The following CSMD3 variants were observed in gnomAD, a reference collection of about 807,000 sequenced individuals.
CSMD3 encodes CUB and Sushi multiple domains 3.
Under a neutral mutation model 435.2 loss-of-function variants are expected in CSMD3, and 177 were observed. The observed-to-expected ratio is 0.41, with a 90% CI of 0.36 to 0.46. The LOEUF is 0.46. Ranked by LOEUF, CSMD3 falls within the 20% of genes least tolerant of loss-of-function variation. The pLI is 0.34. For synonymous variants in CSMD3, 1,656 were observed against 1,520.5 expected (o/e 1.09, Z -2.07); for missense variants, 4,265 against 4,504.6 (o/e 0.95, Z 1.52).
chr8:112,965,282 G>A (rs1314491067), intron 7 of CSMD3, among the ~76,000 whole-genome samples: 2 of 151,886 alleles, frequency 1.3e-5, no homozygotes, highest in Non-Finnish European at 2.9e-5. Context: ...GGGGAAATCA[G>A]CTACACACAT....
chr8:112,862,553 C>A (rs192372407), intron 10 of CSMD3, among the ~76,000 whole-genome samples: 1 of 152,034 alleles, frequency 6.6e-6, no homozygotes, highest in East Asian at 1.9e-4. Context: ...AACAGAGTTG[C>A]AGCAGTTCAC....
At chr8:112,319,071 T>C (rs1475722264) in intron 46 of CSMD3, 121 bp from the exon 47 acceptor site, 5 of 708,002 alleles carry the variant, frequency 7.1e-6, no homozygotes, top group African/African-American at 7.0e-5. Context: ...ATAAAAATGT[T>C]ATTAGGTATA....
In CSMD3 at chr8:113,212,055, C is replaced by T. The variant is rs192295664; in HGVS notation, c.515-38139G>A. Among the ~76,000 whole-genome samples, 60 of 152,128 alleles carry T rather than the reference C, an allele frequency of 3.9e-4. 1 individual carries two copies. Among genetic ancestry groups the T allele is most frequent in the Non-Finnish European group, 7.2e-4 (49 of 67,988 alleles). ...AAAATTGAAGTATTACTTCAGAAAG[C>T]TAGGCATTTATACCTTTGTATATTA... On this transcript the variant is annotated intron_variant, in intron 3 of 70. Transcript: ENST00000297405.
At position 113,371,501 on chromosome 8, in the gene CSMD3, C is replaced by G. The variant is rs561685817; in HGVS notation, c.179-56708G>C. 2.0e-5 allele frequency among the ~76,000 whole-genome samples: 3 copies of G among 152,232 alleles called. No homozygotes were observed. In the East Asian group the frequency reaches 5.8e-4, roughly 29 times the overall value. ...TATACATTTTTGCTTGTTCTCTCAACTTTATATTTTATCCAAATTAAGTTT... is the reference window on the plus strand; with the variant it reads ...TATACATTTTTGCTTGTTCTCTCAAGTTTATATTTTATCCAAATTAAGTTT... On this transcript the variant is annotated intron_variant, in intron 1 of 70. Transcript: ENST00000297405.
Position 112,336,637 on chromosome 8 carries a change from A to G in CSMD3, c.7019+15T>C, listed in dbSNP as rs1253367887. On this transcript the variant is annotated intron_variant, in intron 44 of 70. Transcript: ENST00000297405. ...TATATAATTGAATAAATCAATAACA[A>G]TAGTCCTGACTTACCATACAGTAAT... The G allele has an allele frequency of 1.9e-6, 3 of 1,568,824 alleles. No homozygotes were observed. Among genetic ancestry groups the G allele is most frequent in the Non-Finnish European group, 2.6e-6 (3 of 1,139,112 alleles).
intron 17 of CSMD3, among the ~76,000 whole-genome samples, chr8:112,659,470 T>C (rs745885176): frequency 2.6e-5 from 4 of 152,196 alleles, no homozygotes; most frequent in African/African-American, 4.8e-5. Flanking sequence ...ACATTCTTGA[T>C]GTAATCCAAA....
chr8:112,365,476 T>A (rs867048516), intron 38 of CSMD3, among the ~76,000 whole-genome samples: 5,389 of 148,302 alleles, frequency 0.036, 348 homozygotes, highest in African/African-American at 0.13. Context: ...TCCTTTTTTT[T>A]TTTTTTTTTT....
At chr8:112,761,812 A>C (rs1010312532) in intron 13 of CSMD3, among the ~76,000 whole-genome samples, 1 of 151,970 alleles carries the variant, frequency 6.6e-6, no homozygotes, top group African/African-American at 2.4e-5. Flanking sequence ...GTGAGTATAT[A>C]TGTGTATGTG....
chr8:112,973,662 C>T (rs2084742668), intron 7 of CSMD3, among the ~76,000 whole-genome samples: 1 of 151,274 alleles, frequency 6.6e-6, no homozygotes, highest in South Asian at 2.1e-4. Context: ...TAACTAAGAG[C>T]ATAGCTATAT....
At chr8:112,856,665 T>C (rs996198751) in intron 11 of CSMD3, among the ~76,000 whole-genome samples, 1 of 152,024 alleles carries the variant, frequency 6.6e-6, no homozygotes, top group African/African-American at 2.4e-5. Context: ...ACTTGTTTAA[T>C]TAATTTCATC....
intron 4 of CSMD3, among the ~76,000 whole-genome samples, chr8:113,169,907 C>G (rs1248090817): frequency 6.6e-6 from 1 of 152,154 alleles, no homozygotes; most frequent in African/African-American, 2.4e-5. Context: ...AGCCCAGCAG[C>G]AGGCAGTTAG....
At chr8:113,084,229 T>C (rs2089671201) in intron 5 of CSMD3, among the ~76,000 whole-genome samples, 3 of 152,064 alleles carry the variant, frequency 2.0e-5, no homozygotes, top group African/African-American at 7.2e-5. Context: ...CAAATGCTTT[T>C]AAAACTGATA....
intron 4 of CSMD3, among the ~76,000 whole-genome samples, chr8:113,132,082 T>C (rs943167301): frequency 6.6e-6 from 1 of 152,146 alleles, no homozygotes; most frequent in African/African-American, 2.4e-5. Context: ...TTTTTCCTTT[T>C]TGTAGCAGAG....
intron 13 of CSMD3, among the ~76,000 whole-genome samples, chr8:112,754,706 A>AG (rs1291680154): frequency 1.3e-5 from 2 of 152,150 alleles, no homozygotes; most frequent in African/African-American, 4.8e-5. Context: ...GGAAATCTCC[A>AG]GGGCAAAGTG....
intron 3 of CSMD3, among the ~76,000 whole-genome samples, chr8:113,239,458 T>C (rs539737586): frequency 6.6e-6 from 1 of 152,040 alleles, no homozygotes; most frequent in East Asian, 1.9e-4. Flanking sequence ...TAATCCAGGG[T>C]GAGAATTATA....
At chr8:112,354,820 TC>T (rs756070083) in intron 38 of CSMD3, among the ~76,000 whole-genome samples, 91 of 152,270 alleles carry the variant, frequency 6.0e-4, no homozygotes, top group Non-Finnish European at 1.2e-3. Context: ...ACTACCAACG[TC>T]ATTTTTCACA....
intron 3 of CSMD3, among the ~76,000 whole-genome samples, chr8:113,249,690 T>C (rs2093316430): frequency 6.6e-6 from 1 of 152,102 alleles, no homozygotes; most frequent in South Asian, 2.1e-4. Context: ...CCTTATGTCC[T>C]GAGTGAATTC....
chr8:112,656,260 A>T lies in CSMD3; in HGVS notation c.2898T>A (p.Asn966Lys), dbSNP rs1328311519. The T allele has an allele frequency of 6.2e-7, 1 of 1,612,594 alleles. No homozygotes were observed. The highest frequency in any genetic ancestry group is 1.7e-5 in the Admixed American group (1 of 60,006). The change falls in exon 18 of 71, where the codon AAT (asparagine) becomes AAA (lysine). Residue 966 changes from asparagine (N) to lysine (K), a missense_variant. Physicochemically the swap from Asn to Lys is moderately conservative, Grantham distance 94. This residue lies in a region of CSMD3 where 3,255 missense variants were observed against 3,380.2 expected (regional missense o/e 0.96). Transcript: ENST00000297405. ...NLLSPLLGSY[N>K]GTQVPQFLFS... ...ATAGAAACTGGGGCACTTGGGTGCCATTGTAAGATCCAAGCAAGGGTGACA... is the reference window on the plus strand; with the variant it reads ...ATAGAAACTGGGGCACTTGGGTGCCTTTGTAAGATCCAAGCAAGGGTGACA...
At chr8:112,835,174 A>C (rs1032636845) in intron 11 of CSMD3, among the ~76,000 whole-genome samples, 2 of 152,034 alleles carry the variant, frequency 1.3e-5, no homozygotes, top group South Asian at 4.1e-4. Context: ...TAAATATTAA[A>C]TACTTGGTAG....
Sources: allele counts gnomAD v4.1 joint callset (sites outside exome capture counted in the v4.1 genomes callset), GRCh38; gene constraint gnomAD v4.1.1; regional missense constraint gnomAD v4.1.1; transcripts MANE v1.5; gene names NCBI Gene and HGNC (gene_info 2026-07-23, HGNC 2026-07-21).